The following CDH4 variants were observed in gnomAD, a reference collection of about 807,000 sequenced individuals.
CDH4 encodes cadherin-4.
A neutral mutation model predicts 86.0 loss-of-function variants in CDH4; 33 were observed. The ratio of observed to expected loss-of-function variants is 0.38; its 90% CI spans 0.29 to 0.51. CDH4 has a LOEUF of 0.51. Ranked by LOEUF, CDH4 falls within the 20% of genes least tolerant of loss-of-function variation. The pLI, the probability that CDH4 is intolerant of heterozygous loss-of-function variation, is 0.86. For missense variants in CDH4, 1,114 were observed against 1,307.4 expected (o/e 0.85, Z 2.28); for synonymous variants, 555 against 549.4 (o/e 1.01, Z -0.14).
At chr20:61,658,384 C>T (rs531488039) in intron 2 of CDH4, among the ~76,000 whole-genome samples, 13 of 152,270 alleles carry the variant, frequency 8.5e-5, no homozygotes, top group Admixed American at 2.0e-4. Flanking sequence ...AGGGCTCCAT[C>T]GCAGCTGCAA....
chr20:61,273,305 G>A (rs2084196383), intron 2 of CDH4, among the ~76,000 whole-genome samples: 1 of 136,008 alleles, frequency 7.4e-6, no homozygotes, highest in Non-Finnish European at 1.6e-5. Flanking sequence ...ACCATGTGCA[G>A]TTTGGGGGAA....
intron 2 of CDH4, among the ~76,000 whole-genome samples, chr20:61,677,986 GATAC>G (rs999369743): frequency 3.1e-4 from 47 of 152,256 alleles, no homozygotes; most frequent in African/African-American, 1.1e-3. Context: ...ATGGATAGAT[GATAC>G]ATAGATGGAT....
chr20:61,261,600 A>G (rs2084127912), intron 2 of CDH4, among the ~76,000 whole-genome samples: 1 of 152,128 alleles, frequency 6.6e-6, no homozygotes, highest in Non-Finnish European at 1.5e-5. Context: ...TAAGGGTAGG[A>G]GATTTGCTCT....
intron 2 of CDH4, among the ~76,000 whole-genome samples, chr20:61,421,602 C>T (rs1221141309): frequency 6.6e-6 from 1 of 150,590 alleles, no homozygotes; most frequent in Non-Finnish European, 1.5e-5. Flanking sequence ...AATCCATGTG[C>T]AGCTCTACAC....
intron 2 of CDH4, among the ~76,000 whole-genome samples, chr20:61,386,861 G>A (rs1291985722): frequency 1.3e-5 from 2 of 152,248 alleles, no homozygotes; most frequent in East Asian, 3.9e-4. Flanking sequence ...AGTTGGACCT[G>A]AAGGGTGAGG....
rs2145802074 is a variant in CDH4 at position 61,641,248 on chromosome 20, C to T, written c.170-102315C>T. On this transcript the variant is annotated intron_variant, in intron 2 of 15. Transcript: ENST00000614565. ...GATTTGGGGGAGTTTTCAGCCCTTT[C>T]CCCATTTCATGATTGATGTCTGCTC... Among the ~76,000 whole-genome samples, 4 of 152,252 alleles carry T rather than the reference C, an allele frequency of 2.6e-5. 1 individual carries two copies. In the South Asian group the frequency reaches 8.3e-4, roughly 32 times the overall value.
chr20:61,264,077 C>G (rs541367094), intron 2 of CDH4, among the ~76,000 whole-genome samples: 116 of 152,300 alleles, frequency 7.6e-4, no homozygotes, highest in African/African-American at 2.6e-3. Flanking sequence ...CGTGAGATCC[C>G]AGGCTCACAG....
At chr20:61,630,203 T>G (rs2145786754) in intron 2 of CDH4, among the ~76,000 whole-genome samples, 1 of 152,354 alleles carries the variant, frequency 6.6e-6, no homozygotes, top group East Asian at 1.9e-4. Flanking sequence ...GTCTGCCAGC[T>G]GCCAGTTATG....
intron 2 of CDH4, among the ~76,000 whole-genome samples, chr20:61,527,195 G>A (rs767419804): frequency 6.6e-6 from 1 of 151,996 alleles, no homozygotes; most frequent in African/African-American, 2.4e-5. Flanking sequence ...GGCGCCCCTG[G>A]CACCCTCCCT....
chr20:61,660,172 C>T (rs763855518), intron 2 of CDH4, among the ~76,000 whole-genome samples: 13 of 152,148 alleles, frequency 8.5e-5, no homozygotes, highest in Non-Finnish European at 1.5e-4. Context: ...CTCTGACCTT[C>T]GTCTCTGGGT....
intron 2 of CDH4, among the ~76,000 whole-genome samples, chr20:61,442,331 A>G (rs894584543): frequency 2.6e-5 from 4 of 152,186 alleles, no homozygotes; most frequent in African/African-American, 9.7e-5. Context: ...GACCCTCCGA[A>G]TACTCCACTT....
intron 7 of CDH4, among the ~76,000 whole-genome samples, chr20:61,885,819 G>GAGAGC (rs1310498685): frequency 6.6e-6 from 1 of 152,214 alleles, no homozygotes; most frequent in African/African-American, 2.4e-5. Context: ...GGATGAGACG[G>GAGAGC]AGAGCAGGAC....
chr20:61,639,583 C>T (rs923779424), intron 2 of CDH4, among the ~76,000 whole-genome samples: 6 of 152,102 alleles, frequency 3.9e-5, no homozygotes, highest in Non-Finnish European at 8.8e-5. Context: ...TTGATGAGAC[C>T]CGGAGTGCAA....
intron 2 of CDH4, among the ~76,000 whole-genome samples, chr20:61,665,690 G>A (rs1411983453): frequency 6.6e-6 from 1 of 152,178 alleles, no homozygotes; most frequent in Non-Finnish European, 1.5e-5. Context: ...TTTTGATGAG[G>A]TGTGCACGCA....
At chr20:61,266,506 A>G (rs1293446249) in intron 2 of CDH4, among the ~76,000 whole-genome samples, 1 of 151,930 alleles carries the variant, frequency 6.6e-6, no homozygotes, top group Non-Finnish European at 1.5e-5. Context: ...ATGTGCCTAG[A>G]AAAGCAAGAA....
At chr20:61,753,686 G>A (rs962305865) in intron 3 of CDH4, among the ~76,000 whole-genome samples, 55 of 152,088 alleles carry the variant, frequency 3.6e-4, no homozygotes, top group African/African-American at 1.2e-3. Context: ...TGTGGGTATG[G>A]TTTGCAAAAA....
chr20:61,921,552 G>C (rs908611909), intron 9 of CDH4, among the ~76,000 whole-genome samples: 2 of 152,226 alleles, frequency 1.3e-5, no homozygotes, highest in African/African-American at 4.8e-5. Context: ...AGAAGTTCAA[G>C]ACCAGCCTGG....
intron 3 of CDH4, among the ~76,000 whole-genome samples, chr20:61,744,813 T>C (rs990819849): frequency 6.6e-6 from 1 of 152,194 alleles, no homozygotes; most frequent in African/African-American, 2.4e-5. Flanking sequence ...TCCCCAGTTC[T>C]AGCTGTTAGG....
At chr20:61,925,570 CT>C (rs1216010924) in intron 11 of CDH4, among the ~76,000 whole-genome samples, 1 of 152,244 alleles carries the variant, frequency 6.6e-6, no homozygotes, top group Non-Finnish European at 1.5e-5. Context: ...GGCCGAGTGC[CT>C]GCCGCTGCTC....
Sources: gnomAD v4.1 joint callset for allele counts (sites outside exome capture counted in the v4.1 genomes callset) on GRCh38, gnomAD v4.1.1 for gene constraint, MANE v1.5 for transcripts, NCBI Gene and HGNC (gene_info 2026-07-23, HGNC 2026-07-21) for gene names.